The following ZFAT variants were observed in gnomAD, a reference collection of about 807,000 sequenced individuals.
ZFAT encodes the protein zinc finger protein ZFAT.
A neutral mutation model predicts 117.7 loss-of-function variants in ZFAT; 64 were observed. The ratio of observed to expected loss-of-function variants is 0.54; its 90% CI spans 0.44 to 0.67. ZFAT has a LOEUF of 0.67. ZFAT is among the 30% of genes least tolerant of loss of function. The pLI, the probability that ZFAT is intolerant of heterozygous loss-of-function variation, is 0.00. For synonymous variants in ZFAT, 679 were observed against 615.0 expected, an observed-to-expected ratio of 1.10 and a Z score of -1.54; for missense variants, 1,433 against 1,584.5, an observed-to-expected ratio of 0.90 and a Z score of 1.62.
rs760560266 is a variant in ZFAT, at chr8:134,608,776, T to C, written c.738A>G (p.Glu246=). ...CATAAGGTGTCTGCTGAATGGCGTATTCCTGGTAGCCTCTCCGAGGCACCA... is the reference window on the plus strand; with the variant it reads ...CATAAGGTGTCTGCTGAATGGCGTACTCCTGGTAGCCTCTCCGAGGCACCA... ...ADLVPRRGYQ[E]YAIQQTPYEQ... is the part of the protein sequence containing the mutation. The change falls in exon 5 of 16, where the codon GAA becomes GAG. Residue 246 remains glutamate, a synonymous_variant. Transcript: ENST00000377838. 11 of 1,610,732 alleles carry C rather than the reference T, an allele frequency of 6.8e-6. No individual in the cohort carries two copies. The East Asian group carries it at 1.8e-4, about 26-fold the overall frequency.
At chr8:134,803,567 T>A in the ZFAT span, among the ~76,000 whole-genome samples, 1 of 152,042 alleles carries the variant, frequency 6.6e-6, no homozygotes, top group Non-Finnish European at 1.5e-5. Flanking sequence ...CTGACCCCCA[T>A]CCCCAAATAA....
intron 12 of ZFAT, among the ~76,000 whole-genome samples, chr8:134,521,461 G>A (rs764100621): frequency 1.3e-5 from 2 of 152,092 alleles, no homozygotes; most frequent in Non-Finnish European, 2.9e-5. Flanking sequence ...TCTCCTTCAC[G>A]TCAGAAGCTA....
intron 3 of ZFAT, among the ~76,000 whole-genome samples, chr8:134,633,080 T>A (rs374220578): frequency 6.6e-6 from 1 of 151,352 alleles, no homozygotes; most frequent in East Asian, 2.0e-4. Context: ...CGTCAAAATG[T>A]AAAATATGCC....
the ZFAT span, among the ~76,000 whole-genome samples, chr8:134,749,266 T>C: frequency 6.6e-6 from 1 of 152,216 alleles, no homozygotes; most frequent in Non-Finnish European, 1.5e-5. Flanking sequence ...TATTTAGCCT[T>C]TCACAGTAGA....
chr8:134,755,572 G>A, the ZFAT span, among the ~76,000 whole-genome samples: 1 of 152,038 alleles, frequency 6.6e-6, no homozygotes, highest in Non-Finnish European at 1.5e-5. Context: ...CGCACTGTGG[G>A]AGGCTGAGGC....
chr8:134,532,636 C>G (rs1376016502), intron 12 of ZFAT, among the ~76,000 whole-genome samples, 198 bp downstream of exon 12: 2 of 152,204 alleles, frequency 1.3e-5, no homozygotes, highest in African/African-American at 4.8e-5. Context: ...AGGTTGTTGT[C>G]ATATTAACCA....
the ZFAT span, chr8:134,794,265 T>C: frequency 5.3e-5 from 8 of 152,348 alleles, no homozygotes; most frequent in Admixed American, 1.3e-4. Context: ...CAGTGTTTTA[T>C]AAGTACTGAT....
intron 2 of ZFAT, among the ~76,000 whole-genome samples, chr8:134,656,233 A>G (rs922980884): frequency 6.6e-6 from 1 of 152,080 alleles, no homozygotes; most frequent in Non-Finnish European, 1.5e-5. Context: ...TCTACCCCAA[A>G]GCAAAGGGTC....
In ZFAT at chr8:134,583,621, A is replaced by T. The variant is rs535748213; in HGVS notation, c.2887+211T>A. Among the ~76,000 whole-genome samples the T allele has an allele frequency of 8.0e-5, 12 of 149,258 alleles. No individual in the cohort carries two copies. In the East Asian group the frequency reaches 2.7e-3, roughly 34 times the overall value. ...CTCCACCACTGGCACCGACACACCC[A>T]GTAAGTGTTTATCCTGCACCTGCTG... On this transcript the variant is annotated intron_variant, in intron 10 of 15. Transcript: ENST00000377838.
At chr8:134,638,994 G>A (rs1214539234) in intron 2 of ZFAT, among the ~76,000 whole-genome samples, 1 of 152,138 alleles carries the variant, frequency 6.6e-6, no homozygotes, top group Non-Finnish European at 1.5e-5. Context: ...TTGGGTACAC[G>A]TGCATCTGTA....
At chr8:134,790,845 T>A in the ZFAT span, among the ~76,000 whole-genome samples, 91 of 151,878 alleles carry the variant, frequency 6.0e-4, 1 homozygote, top group East Asian at 0.017. Flanking sequence ...TGAGACTCCA[T>A]CTCTACAAAA....
At chr8:134,773,092 T>C in the ZFAT span, among the ~76,000 whole-genome samples, 1 of 76,932 alleles carries the variant, frequency 1.3e-5, no homozygotes, top group African/African-American at 5.4e-5. Context: ...AAATCCCAAT[T>C]CAAAAAAAAA....
At chr8:134,802,363 T>C in the ZFAT span, among the ~76,000 whole-genome samples, 1 of 151,776 alleles carries the variant, frequency 6.6e-6, no homozygotes, top group African/African-American at 2.4e-5. Flanking sequence ...GTAACAAGAG[T>C]AGAAGGGAAT....
At chr8:134,596,229 T>C (rs1265088173) in intron 7 of ZFAT, among the ~76,000 whole-genome samples, 1 of 152,198 alleles carries the variant, frequency 6.6e-6, no homozygotes, top group Non-Finnish European at 1.5e-5. Context: ...GCTATCCCAC[T>C]GGAGCATTGC....
At chr8:134,760,695 A>C in the ZFAT span, among the ~76,000 whole-genome samples, 1 of 152,252 alleles carries the variant, frequency 6.6e-6, no homozygotes. Context: ...ACTATTCATT[A>C]ACAAACATTT....
In ZFAT at chr8:134,637,603, C is replaced by T. The variant is rs747221023; in HGVS notation, c.306G>A (p.Pro102=). The part of the protein sequence containing the change: ...ENIVSPTEDS[P]LAPEEGNSLP... ...GGCTGTTCCCTTCCTCCGGAGCCAG[C>T]GGGCTGTCCTCAGTCGGACTCACGA... The change falls in exon 3 of 16, where the codon CCG becomes CCA. Residue 102 remains proline, a synonymous_variant. Coordinates refer to ENST00000377838, the MANE Select transcript of ZFAT (RefSeq NM_020863.4). The T allele has an allele frequency of 2.8e-5, 45 of 1,614,114 alleles. No homozygotes were observed. Among genetic ancestry groups the T allele is most frequent in the South Asian group, 1.2e-4 (11 of 91,090 alleles).
intron 1 of ZFAT, among the ~76,000 whole-genome samples, chr8:134,697,638 A>G (rs1277515816): frequency 6.6e-6 from 1 of 150,998 alleles, no homozygotes; most frequent in Non-Finnish European, 1.5e-5. Flanking sequence ...GAGGCAGGAG[A>G]ATGGCGTGAA....
rs202211030 is a variant in ZFAT at position 134,602,510 on chromosome 8, G to A, written c.1209C>T (p.Leu403=). The A allele has an allele frequency of 1.2e-6, 2 of 1,613,918 alleles. No individual in the cohort carries two copies. Among genetic ancestry groups the A allele is most frequent in the Non-Finnish European group, 8.5e-7 (1 of 1,180,038 alleles). ...TGCGCTCACAGATGTGGCAGTCATA[G>A]AGCAGCTGCCGCTTGCCCTCCCTCG... is the stretch of plus-strand genomic sequence containing the variant. ...LMTREGKRQL[L]YDCHICERKF... is the part of the protein sequence containing the mutation. The change falls in exon 6 of 16, where the codon CTC becomes CTT. Residue 403 remains leucine (L), a synonymous_variant. Coordinates refer to ENST00000377838, the MANE Select transcript of ZFAT (RefSeq NM_020863.4).
intron 4 of ZFAT, 140 bp from the exon 5 acceptor site, chr8:134,609,019 C>A: frequency 9.4e-7 from 1 of 1,066,634 alleles, no homozygotes; most frequent in Non-Finnish European, 1.3e-6. Context: ...ACTCAGCTCG[C>A]ACATTTACAT....
Sources: allele counts gnomAD v4.1 joint callset (sites outside exome capture counted in the v4.1 genomes callset), GRCh38; gene constraint gnomAD v4.1.1; transcripts MANE v1.5; gene names NCBI Gene and HGNC (gene_info 2026-07-23, HGNC 2026-07-21).